The following TESK2 variants were observed in gnomAD, a reference collection of about 807,000 sequenced individuals.
TESK2 encodes the protein testis associated actin remodelling kinase 2, also known as dual specificity testis-specific protein kinase 2.
In TESK2, 39 loss-of-function variants were observed where a neutral mutation model predicts 57.1. The ratio of observed to expected loss-of-function variants is 0.68; its 90% CI spans 0.53 to 0.89. TESK2 has a LOEUF of 0.89. TESK2 is among the 40% of genes least tolerant of loss of function. The pLI, the probability that TESK2 is intolerant of heterozygous loss-of-function variation, is 0.00. For synonymous variants in TESK2, 249 were observed against 267.9 expected (o/e 0.93, Z 0.69); for missense variants, 646 against 732.1 (o/e 0.88, Z 1.36).
chr1:45,364,468 A>G (rs1027451282), intron 4 of TESK2, among the ~76,000 whole-genome samples: 3 of 152,252 alleles, frequency 2.0e-5, no homozygotes, highest in Non-Finnish European at 4.4e-5. Context: ...GCCTTCAGAG[A>G]GAACAAGGCC....
intron 1 of TESK2, among the ~76,000 whole-genome samples, chr1:45,481,379 C>G (rs1021397986): frequency 2.0e-5 from 3 of 151,802 alleles, no homozygotes; most frequent in African/African-American, 7.3e-5. Context: ...AAAAAATAAG[C>G]AAGATTGGGG....
intron 3 of TESK2, among the ~76,000 whole-genome samples, chr1:45,412,791 G>A (rs1650084947): frequency 1.3e-5 from 2 of 152,212 alleles, no homozygotes; most frequent in African/African-American, 2.4e-5. Context: ...GGCCGAGGTG[G>A]GAGGATTGCT....
At chr1:45,410,597 C>T (rs1649999470) in intron 3 of TESK2, among the ~76,000 whole-genome samples, 1 of 151,444 alleles carries the variant, frequency 6.6e-6, no homozygotes, top group Non-Finnish European at 1.5e-5. Flanking sequence ...AAGAGCGAAA[C>T]TCCAACTCAA....
intron 3 of TESK2, chr1:45,413,987 G>A (rs1452333630): frequency 2.9e-6 from 1 of 342,090 alleles, no homozygotes; most frequent in Non-Finnish European, 5.9e-6. Context: ...AAGACAACCA[G>A]AAAGCATTTA....
chr1:45,372,987 C>T (rs1304343274), intron 4 of TESK2, among the ~76,000 whole-genome samples: 1 of 142,116 alleles, frequency 7.0e-6, no homozygotes, highest in Non-Finnish European at 1.5e-5. Context: ...GAGATCACGC[C>T]ATTGCACTCC....
chr1:45,394,587 T>C (rs1649278567), intron 3 of TESK2, among the ~76,000 whole-genome samples: 4 of 151,410 alleles, frequency 2.6e-5, no homozygotes, highest in Non-Finnish European at 5.9e-5. Context: ...CTGATGTCGC[T>C]TGGTCTACAG....
intron 3 of TESK2, among the ~76,000 whole-genome samples, chr1:45,396,570 C>G (rs1424111602): frequency 6.6e-6 from 1 of 151,790 alleles, no homozygotes; most frequent in African/African-American, 2.4e-5. Context: ...CTTACTGCAA[C>G]CTCTGCCTCC....
intron 1 of TESK2, among the ~76,000 whole-genome samples, chr1:45,475,038 A>G (rs1175158220): frequency 6.9e-6 from 1 of 145,640 alleles, no homozygotes; most frequent in East Asian, 2.0e-4. Context: ...GGTGCACAGC[A>G]TGGCAACAGA....
At chr1:45,478,081 C>T (rs79137124) in intron 1 of TESK2, among the ~76,000 whole-genome samples, 2,501 of 152,312 alleles carry the variant, frequency 0.016, 31 homozygotes, top group Non-Finnish European at 0.027. Context: ...TGACCCCTAC[C>T]CACATCTCCA....
intron 2 of TESK2, among the ~76,000 whole-genome samples, chr1:45,455,766 A>G (rs928584046): frequency 2.6e-5 from 4 of 152,210 alleles, no homozygotes; most frequent in Non-Finnish European, 4.4e-5. Flanking sequence ...TATATATTTT[A>G]CTGCAATAAA....
At chr1:45,389,085 T>C (rs1401709027) in intron 3 of TESK2, among the ~76,000 whole-genome samples, 3 of 152,166 alleles carry the variant, frequency 2.0e-5, no homozygotes, top group Admixed American at 6.5e-5. Flanking sequence ...CATGGATTAA[T>C]GGATTATTGC....
At chr1:45,348,047 G>C (rs766816220) in intron 5 of TESK2, 47 bp from the exon 6 acceptor site, 1 of 1,317,520 alleles carries the variant, frequency 7.6e-7, no homozygotes, top group Non-Finnish European at 1.1e-6. Context: ...TCAGAAGCGG[G>C]GATCAGCCAT....
rs980693035 is a variant in TESK2, at chr1:45,345,411, ACACT to A, written c.1141_1144del (p.Val382TrpfsTer104). 2.5e-6 allele frequency: 4 copies of A among 1,613,922 alleles called. No individual in the cohort carries two copies. The highest frequency in any genetic ancestry group is 2.7e-5 in the African/African-American group (2 of 74,864). ...TCGTGGCCGGTAGTATGGGTCCAAG[ACACT>A]CACTGTACGTGGGGGCTTACGGGAA... On this transcript the variant is annotated frameshift_variant, in exon 11 of 11. Transcript: ENST00000372086. LOFTEE classifies it high-confidence loss of function.
At chr1:45,470,019 A>C (rs1340766475) in intron 1 of TESK2, among the ~76,000 whole-genome samples, 1 of 152,236 alleles carries the variant, frequency 6.6e-6, no homozygotes, top group African/African-American at 2.4e-5. Context: ...ATATGTGCAC[A>C]AAGTTGGTAA....
intron 2 of TESK2, among the ~76,000 whole-genome samples, chr1:45,439,711 G>T (rs10890328): frequency 0.51 from 76,869 of 151,934 alleles, 19,695 homozygotes; most frequent in African/African-American, 0.57. Context: ...TCCCAGCTAC[G>T]CAGGAAGCTG....
At chr1:45,367,928 G>C (rs566632913) in intron 4 of TESK2, among the ~76,000 whole-genome samples, 1 of 151,638 alleles carries the variant, frequency 6.6e-6, no homozygotes, top group African/African-American at 2.4e-5. Flanking sequence ...CAAAGTGCTG[G>C]GATTACAGGC....
chr1:45,429,677 G>A (rs1650869155), intron 2 of TESK2, among the ~76,000 whole-genome samples: 2 of 152,182 alleles, frequency 1.3e-5, no homozygotes, highest in African/African-American at 2.4e-5. Flanking sequence ...GTTCTACTAA[G>A]TTGTTCCACT....
intron 1 of TESK2, among the ~76,000 whole-genome samples, chr1:45,488,462 A>G (rs1333545010): frequency 6.6e-6 from 1 of 152,202 alleles, no homozygotes. Flanking sequence ...CCTGACTGAC[A>G]TATTTCCTAG....
chr1:45,445,999 G>T (rs1271472454), intron 2 of TESK2, among the ~76,000 whole-genome samples: 1 of 151,990 alleles, frequency 6.6e-6, no homozygotes, highest in Non-Finnish European at 1.5e-5. Flanking sequence ...TACAAAAATT[G>T]TCCTCAGGAG....
Sources: gnomAD v4.1 joint callset for allele counts (sites outside exome capture counted in the v4.1 genomes callset) on GRCh38, gnomAD v4.1.1 for gene constraint, MANE v1.5 for transcripts, NCBI Gene and HGNC (gene_info 2026-07-23, HGNC 2026-07-21) for gene names.